STK3: variants seen among roughly 807,000 people sequenced by gnomAD.
The protein encoded by STK3 is serine/threonine kinase 3.
STK3 carries 41 observed loss-of-function variants against 58.0 expected under a neutral mutation model. That is an observed-to-expected ratio of 0.71 (90% CI 0.55 to 0.92). The LOEUF (loss-of-function observed/expected upper bound fraction) is 0.92, where lower values mean the gene tolerates loss of function less well. STK3 is among the 40% of genes least tolerant of loss of function. The pLI, the probability that STK3 is intolerant of heterozygous loss-of-function variation, is 0.00. For missense variants in STK3, 479 were observed against 602.7 expected (o/e 0.79, Z 2.15); for synonymous variants, 170 against 191.0 (o/e 0.89, Z 0.91).
At chr8:98,357,276 G>A in the STK3 span, among the ~76,000 whole-genome samples, 1 of 152,102 alleles carries the variant, frequency 6.6e-6, no homozygotes, top group Admixed American at 6.5e-5. Flanking sequence ...AATGACCCAG[G>A]GTTTACCTGC....
chr8:98,756,552 G>C (rs1830298826), intron 3 of STK3, among the ~76,000 whole-genome samples: 1 of 152,184 alleles, frequency 6.6e-6, no homozygotes, highest in Non-Finnish European at 1.5e-5. Context: ...ATGATGTAAA[G>C]TTTCTGTGGT....
At chr8:98,861,501 C>T (rs1836936603) in intron 3 of STK3, among the ~76,000 whole-genome samples, 1 of 151,906 alleles carries the variant, frequency 6.6e-6, no homozygotes, top group South Asian at 2.1e-4. Context: ...GCGCACGCCA[C>T]CATGCCCGGC....
At chr8:98,910,429 T>C (rs1839083626) in intron 1 of STK3, among the ~76,000 whole-genome samples, 1 of 152,226 alleles carries the variant, frequency 6.6e-6, no homozygotes, top group Non-Finnish European at 1.5e-5. Context: ...GAACTAACAT[T>C]GGCTGAAGTT....
intron 8 of STK3, among the ~76,000 whole-genome samples, chr8:98,574,273 C>A (rs1813209696): frequency 6.6e-6 from 1 of 152,104 alleles, no homozygotes; most frequent in Non-Finnish European, 1.5e-5. Context: ...TAAGAAACGA[C>A]AATTAAACAA....
At chr8:98,694,710 A>G (rs566531423) in intron 6 of STK3, among the ~76,000 whole-genome samples, 181 of 152,320 alleles carry the variant, frequency 1.2e-3, no homozygotes, top group African/African-American at 4.1e-3. Context: ...ATATCATTCC[A>G]TGGTGTATAT....
chr8:98,711,822 C>A (rs1214338599), intron 4 of STK3, among the ~76,000 whole-genome samples: 1 of 152,118 alleles, frequency 6.6e-6, no homozygotes, highest in Non-Finnish European at 1.5e-5. Context: ...AACTCCAAGA[C>A]ACATAATTGT....
chr8:98,576,103 C>A (rs1286658868), intron 8 of STK3, among the ~76,000 whole-genome samples: 2 of 152,188 alleles, frequency 1.3e-5, no homozygotes, highest in African/African-American at 4.8e-5. Context: ...GGTCTAACTT[C>A]ATTCTTTTAC....
chr8:98,774,076 G>T (rs912139775), intron 2 of STK3, among the ~76,000 whole-genome samples: 1 of 152,058 alleles, frequency 6.6e-6, no homozygotes, highest in Non-Finnish European at 1.5e-5. Context: ...AATTACAGGC[G>T]TGAGCCACCG....
chr8:98,864,070 G>A (rs1205790442), intron 3 of STK3, among the ~76,000 whole-genome samples: 1 of 151,706 alleles, frequency 6.6e-6, no homozygotes, highest in African/African-American at 2.4e-5. Context: ...GTGGTGGCGG[G>A]TGCCTGTAGT....
chr8:98,882,286 G>A (rs1837823315), downstream of STK3: 3 of 151,920 alleles, frequency 2.0e-5, no homozygotes, highest in South Asian at 6.2e-4. Context: ...CGTAGTAGAT[G>A]TATATGTTTA....
intron 8 of STK3, among the ~76,000 whole-genome samples, chr8:98,562,246 A>G (rs1269647843): frequency 6.6e-6 from 1 of 152,168 alleles, no homozygotes; most frequent in African/African-American, 2.4e-5. Context: ...AACTGCCCCA[A>G]ACTAATAAGT....
chr8:98,652,977 CG>C (rs1821087973), intron 6 of STK3, among the ~76,000 whole-genome samples: 1 of 152,128 alleles, frequency 6.6e-6, no homozygotes, highest in Non-Finnish European at 1.5e-5. Flanking sequence ...CTGCACCAAG[CG>C]GAACTAATAG....
chr8:98,763,870 T>G (rs1034471780), intron 3 of STK3, among the ~76,000 whole-genome samples: 1 of 152,158 alleles, frequency 6.6e-6, no homozygotes, highest in Non-Finnish European at 1.5e-5. Flanking sequence ...AAATGGAGTT[T>G]TGCCATGTTG....
intron 10 of STK3, among the ~76,000 whole-genome samples, chr8:98,498,062 AT>A (rs1362394375): frequency 6.6e-6 from 1 of 152,150 alleles, no homozygotes; most frequent in African/African-American, 2.4e-5. Flanking sequence ...GCCTCATAGT[AT>A]TCCATATTAT....
intron 1 of STK3, among the ~76,000 whole-genome samples, chr8:98,381,949 A>C (rs1817736357): frequency 6.6e-6 from 1 of 152,268 alleles, no homozygotes; most frequent in Non-Finnish European, 1.5e-5. Context: ...TTTTAAAATT[A>C]AATTGCATTA....
the STK3 span, among the ~76,000 whole-genome samples, chr8:98,346,449 A>G: frequency 6.6e-6 from 1 of 152,092 alleles, no homozygotes; most frequent in Middle Eastern, 3.4e-3. Flanking sequence ...AATGAATACT[A>G]TAAACTCATA....
At chr8:98,416,364 G>GTT (rs57447680) in intron 3 of STK3, among the ~76,000 whole-genome samples, 5 of 79,526 alleles carry the variant, frequency 6.3e-5, no homozygotes, top group Admixed American at 1.5e-4. Context: ...GTTTGAAACT[G>GTT]TTTTTTTTTT....
the STK3 span, among the ~76,000 whole-genome samples, chr8:98,347,731 C>T: frequency 6.6e-6 from 1 of 152,066 alleles, no homozygotes; most frequent in Non-Finnish European, 1.5e-5. Flanking sequence ...GCAAGACTGA[C>T]CTATATGTTG....
At chr8:98,862,798 G>T (rs75991785) in intron 3 of STK3, among the ~76,000 whole-genome samples, 11 of 152,326 alleles carry the variant, frequency 7.2e-5, no homozygotes, top group Admixed American at 3.9e-4. Context: ...CCTATGTGAG[G>T]CTCTTAGTTC....
Sources: allele counts gnomAD v4.1 joint callset (sites outside exome capture counted in the v4.1 genomes callset), GRCh38; gene constraint gnomAD v4.1.1; transcripts MANE v1.5; gene names NCBI Gene and HGNC (gene_info 2026-07-23, HGNC 2026-07-21).